Variants in MAN1C1 observed in about 807,000 individuals in gnomAD.
The protein encoded by MAN1C1 is mannosyl-oligosaccharide 1,2-alpha-mannosidase IC.
In MAN1C1, 49 loss-of-function variants were observed where a neutral mutation model predicts 71.5. The ratio of observed to expected loss-of-function variants is 0.69; its 90% CI spans 0.54 to 0.87. The LOEUF (loss-of-function observed/expected upper bound fraction) is 0.87. Among genes scored for constraint, MAN1C1 ranks in the 40% least tolerant of loss-of-function variants. MAN1C1 has a pLI of 0.00. For missense variants in MAN1C1, 743 were observed against 835.0 expected (o/e 0.89, Z 1.36); for synonymous variants, 352 against 343.7 (o/e 1.02, Z -0.27).
chr1:25,754,353 C>G (rs1043103041), intron 5 of MAN1C1, among the ~76,000 whole-genome samples: 12 of 152,156 alleles, frequency 7.9e-5, no homozygotes, highest in East Asian at 1.9e-4. Flanking sequence ...GTTGGAGGAC[C>G]CATGGCTCCG....
At chr1:25,716,861 A>G (rs1483299321) in intron 2 of MAN1C1, among the ~76,000 whole-genome samples, 1 of 152,208 alleles carries the variant, frequency 6.6e-6, no homozygotes, top group Middle Eastern at 3.2e-3. Context: ...TGGCCTAGGC[A>G]ATCACCAATC....
rs371784023 is a variant in MAN1C1 at position 25,738,699 on chromosome 1, G to A, written c.638-7969G>A. Among the ~76,000 whole-genome samples the A allele has an allele frequency of 2.0e-5, 3 of 152,154 alleles. No homozygotes were observed. In the East Asian group the frequency reaches 5.8e-4, roughly 29 times the overall value. On this transcript the variant is annotated intron_variant, in intron 2 of 11. Transcript: ENST00000374332. ...TGCGTTGCAATTGATGCTGGCTGTT[G>A]GCTAGAACCTCAGATGGGACTGTCA...
chr1:25,770,574 T>C (rs1020180436), intron 7 of MAN1C1, among the ~76,000 whole-genome samples: 7 of 152,248 alleles, frequency 4.6e-5, no homozygotes, highest in Non-Finnish European at 7.3e-5. Context: ...GTTGCCGTTC[T>C]CCCACCTGGG....
intron 2 of MAN1C1, among the ~76,000 whole-genome samples, chr1:25,727,467 C>T (rs60384721): frequency 0.14 from 22,017 of 152,166 alleles, 1,812 homozygotes; most frequent in East Asian, 0.3. Context: ...TGCCCGAGAA[C>T]GGGACAGTGG....
At position 25,782,847 on chromosome 1, in the gene MAN1C1, C is replaced by T; in HGVS notation, c.1766+147C>T. 1 of 622,608 alleles carries T rather than the reference C, an allele frequency of 1.6e-6. No individual in the cohort carries two copies. The highest frequency in any genetic ancestry group is 2.8e-6 in the Non-Finnish European group (1 of 354,522). 38.6% of individuals were successfully genotyped at this position (622,608 alleles called of 1,614,324 possible). Reference sequence around the variant, plus strand: ...GGCTTGGGATCCAGAGGGCTGCACCCCAGGTGTGAGCCTTGGGCCAGGCCG... The same window carrying T: ...GGCTTGGGATCCAGAGGGCTGCACCTCAGGTGTGAGCCTTGGGCCAGGCCG... On this transcript the variant is annotated intron_variant, in intron 11 of 11. Transcript: ENST00000374332. This position sits in a 1 kb window ranked among gnomAD's most constrained non-coding sequence, Gnocchi z 4.4.
At chr1:25,682,576 G>C (rs2046169493) in intron 1 of MAN1C1, among the ~76,000 whole-genome samples, 1 of 152,196 alleles carries the variant, frequency 6.6e-6, no homozygotes, top group South Asian at 2.1e-4. Context: ...CACTTCAAGA[G>C]CTGGCTCCCC....
intron 1 of MAN1C1, among the ~76,000 whole-genome samples, chr1:25,633,066 C>T (rs1295404011): frequency 1.3e-5 from 2 of 152,058 alleles, no homozygotes; most frequent in Non-Finnish European, 2.9e-5. Context: ...CGGGGTTTCA[C>T]CATGTTGGCC....
intron 1 of MAN1C1, among the ~76,000 whole-genome samples, chr1:25,618,997 C>G (rs2045161993): frequency 6.6e-6 from 1 of 152,104 alleles, no homozygotes; most frequent in East Asian, 1.9e-4. Context: ...ACAGAAGCTC[C>G]GAGGTTATTG....
At chr1:25,680,319 T>C (rs1040825495) in intron 1 of MAN1C1, among the ~76,000 whole-genome samples, 1 of 152,186 alleles carries the variant, frequency 6.6e-6, no homozygotes, top group Non-Finnish European at 1.5e-5. Flanking sequence ...CACCTGGGCC[T>C]CCCAAAGTGC....
Position 25,778,228 on chromosome 1 carries a change from C to T in MAN1C1, c.1381C>T (p.Leu461Phe). The T allele has an allele frequency of 6.2e-7, 1 of 1,614,108 alleles. No individual in the cohort carries two copies. The highest frequency in any genetic ancestry group is 8.5e-7 in the Non-Finnish European group (1 of 1,179,994). Residue 461 changes from leucine (L) to phenylalanine (F), a missense_variant, in exon 9 of 12, where the codon CTT becomes TTT. Physicochemically the swap from Leu to Phe is conservative, Grantham distance 22. Transcript: ENST00000374332. The surrounding 1 kb of genome is among the most constrained non-coding windows in gnomAD (Gnocchi z 5.5). ...LACFSGGMIA[L>F]GAEDAKEEKR... ...CTGTTTCTCCGGGGGCATGATCGCC[C>T]TTGGCGCCGAGGATGCCAAGGAAGA...
At chr1:25,758,470 A>G (rs1316889687) in intron 5 of MAN1C1, 122 bp from the exon 6 acceptor site, 1 of 789,262 alleles carries the variant, frequency 1.3e-6, no homozygotes, top group East Asian at 2.5e-5. Context: ...TTGTACGGCG[A>G]AAGCTCCTGG....
intron 2 of MAN1C1, among the ~76,000 whole-genome samples, chr1:25,691,643 G>A (rs1366522480): frequency 6.6e-6 from 1 of 152,196 alleles, no homozygotes; most frequent in African/African-American, 2.4e-5. Flanking sequence ...CAAGTCCCCT[G>A]GACCCAGGAA....
intron 1 of MAN1C1, among the ~76,000 whole-genome samples, chr1:25,649,628 G>A (rs1306077955): frequency 6.6e-6 from 1 of 152,160 alleles, no homozygotes; most frequent in Non-Finnish European, 1.5e-5. Context: ...CAGTTTTGGG[G>A]CTGGGTAGCA....
chr1:25,750,897 C>T (rs1053469011), intron 4 of MAN1C1, among the ~76,000 whole-genome samples: 6 of 152,160 alleles, frequency 3.9e-5, no homozygotes, highest in African/African-American at 7.2e-5. Context: ...TCAGGGCTCT[C>T]GGGGCGGTTT....
chr1:25,712,280 G>T (rs1002405126), intron 2 of MAN1C1, among the ~76,000 whole-genome samples: 4 of 152,226 alleles, frequency 2.6e-5, no homozygotes, highest in Admixed American at 1.3e-4. Flanking sequence ...ACATTTTTGG[G>T]TGGTTTGCAC....
At chr1:25,673,451 C>T (rs1411139052) in intron 1 of MAN1C1, among the ~76,000 whole-genome samples, 2 of 152,072 alleles carry the variant, frequency 1.3e-5, no homozygotes, top group East Asian at 3.9e-4. Flanking sequence ...AGTTTCCTTA[C>T]CTGAAAATGA....
At chr1:25,668,231 GC>G (rs1368981857) in intron 1 of MAN1C1, among the ~76,000 whole-genome samples, 1 of 152,014 alleles carries the variant, frequency 6.6e-6, no homozygotes. Flanking sequence ...CATCTGGGAG[GC>G]CTTCCTTGGC....
At chr1:25,702,164 G>T (rs114574807) in intron 2 of MAN1C1, among the ~76,000 whole-genome samples, 2 of 152,178 alleles carry the variant, frequency 1.3e-5, no homozygotes, top group African/African-American at 4.8e-5. Context: ...AATGCATGAC[G>T]ATCGCCGGCC....
intron 1 of MAN1C1, among the ~76,000 whole-genome samples, chr1:25,674,014 CT>C (rs944006273): frequency 1.2e-4 from 18 of 152,352 alleles, no homozygotes; most frequent in Non-Finnish European, 2.2e-4. Flanking sequence ...CACACGCTGT[CT>C]TCCTGCCCCC....
Sources: gnomAD v4.1 joint callset for allele counts (sites outside exome capture counted in the v4.1 genomes callset) on GRCh38, gnomAD v4.1.1 for gene constraint, Gnocchi (gnomAD v3.1) non-coding constraint, MANE v1.5 for transcripts, NCBI Gene and HGNC (gene_info 2026-07-23, HGNC 2026-07-21) for gene names.